PTP4A3: variants seen among roughly 807,000 people sequenced by gnomAD.
PTP4A3 encodes the protein protein tyrosine phosphatase 4A3.
In PTP4A3, 9 loss-of-function variants were observed where a neutral mutation model predicts 15.2. The observed-to-expected ratio is 0.59, with a 90% CI of 0.36 to 1.03. The LOEUF is 1.03. Among genes scored for constraint, PTP4A3 ranks in the 50% least tolerant of loss-of-function variants. The pLI is 0.02. For missense variants in PTP4A3, 234 were observed against 252.1 expected, an observed-to-expected ratio of 0.93 and a Z score of 0.49; for synonymous variants, 95 against 102.0, an observed-to-expected ratio of 0.93 and a Z score of 0.41.
In PTP4A3 at chr8:141,407,421, TCAGA is replaced by T. The variant is rs1832758082; in HGVS notation, c.-853-13962_-853-13959del. Among the ~76,000 whole-genome samples, 4 of 152,118 alleles carry T rather than the reference TCAGA, an allele frequency of 2.6e-5. No homozygotes were observed. The South Asian group carries it at 8.3e-4, about 32-fold the overall frequency. On this transcript the variant is annotated intron_variant, in intron 1 of 5. Coordinates refer to ENST00000521578, the MANE Select transcript of PTP4A3 (RefSeq NM_032611.3). ...CTGGCTCAGTCCCTGAGGGTAAAAT[TCAGA>T]CAGAGCTGGAAATGACCCAAATGTC...
At chr8:141,411,739 C>T (rs1398301116) in intron 1 of PTP4A3, among the ~76,000 whole-genome samples, 1 of 152,236 alleles carries the variant, frequency 6.6e-6, no homozygotes, top group Admixed American at 6.5e-5. Context: ...ATCTCGATCC[C>T]CCTTCCTGTC....
At chr8:141,412,352 G>A (rs1278388832) in intron 1 of PTP4A3, among the ~76,000 whole-genome samples, 1 of 152,220 alleles carries the variant, frequency 6.6e-6, no homozygotes, top group African/African-American at 2.4e-5. Context: ...GTGAGCATGG[G>A]TGGCTGGGTG....
In PTP4A3 at chr8:141,430,936, C is replaced by G; in HGVS notation, c.414C>G (p.Arg138=). 6.2e-7 allele frequency: 1 copy of G among 1,613,194 alleles called. No individual in the cohort carries two copies. Among genetic ancestry groups the G allele is most frequent in the Non-Finnish European group, 8.5e-7 (1 of 1,179,954 alleles). ...GTTCCCCTCTTCCCAGGAAGCGCCGCGGAGCCATCAACAGCAAGCAGCTCA... is the reference window on the plus strand; with the variant it reads ...GTTCCCCTCTTCCCAGGAAGCGCCGGGGAGCCATCAACAGCAAGCAGCTCA... ...DAIQFIRQKR[R]GAINSKQLTY... Residue 138 remains arginine (R), a synonymous_variant, in exon 6 of 6, where the codon CGC becomes CGG. Coordinates refer to ENST00000521578, the MANE Select transcript of PTP4A3 (RefSeq NM_032611.3).
chr8:141,415,842 C>T (rs569069646), intron 1 of PTP4A3, among the ~76,000 whole-genome samples: 43 of 144,124 alleles, frequency 3.0e-4, no homozygotes, highest in African/African-American at 9.7e-4. Context: ...TTGGAGCTGC[C>T]GAGTGCAGGG....
At chr8:141,399,384 C>T (rs981279466) in intron 1 of PTP4A3, among the ~76,000 whole-genome samples, 3 of 152,058 alleles carry the variant, frequency 2.0e-5, no homozygotes, top group Non-Finnish European at 4.4e-5. Context: ...GCCAGCTGCC[C>T]AGAGGCCCAT....
In PTP4A3 at chr8:141,432,304, G is replaced by A. The variant is rs1047310536; in HGVS notation, c.*1260G>A. The A allele has an allele frequency of 6.6e-6, 1 of 152,246 alleles. No individual in the cohort carries two copies. Among genetic ancestry groups the A allele is most frequent in the Non-Finnish European group, 1.5e-5 (1 of 68,088 alleles). The allele number at this position is 152,246 out of a possible 1,614,324, so 9.4% of individuals were successfully genotyped here. On this transcript the variant is annotated 3_prime_UTR_variant, in exon 6 of 6. Transcript: ENST00000521578. ...CAAAAGCCCCTTCTCAGGCAGCCCT[G>A]CCCCCAAGACCGACAGATGGCTAAG...
At chr8:141,415,782 A>AGGGGGGGTGGGGT (rs1833027134) in intron 1 of PTP4A3, among the ~76,000 whole-genome samples, 1 of 54,052 alleles carries the variant, frequency 1.9e-5, no homozygotes, top group African/African-American at 7.7e-5. Context: ...TGGGGTGGGG[A>AGGGGGGGTGGGGT]GAGGGGATGG....
chr8:141,425,661 G>T lies in PTP4A3; in HGVS notation c.198+521G>T, dbSNP rs1039518961. On this transcript the variant is annotated intron_variant, in intron 3 of 5. Coordinates refer to ENST00000521578, the MANE Select transcript of PTP4A3 (RefSeq NM_032611.3). This position sits in a 1 kb window ranked among gnomAD's most constrained non-coding sequence, Gnocchi z 4.2. ...CACAGCAGCTGCAGGCCCAGAGCCA[G>T]CCCCAGGGGGGTCCACCCCCGGCCC... Among the ~76,000 whole-genome samples, 3 of 152,074 alleles carry T rather than the reference G, an allele frequency of 2.0e-5. No homozygotes were observed. The highest frequency in any genetic ancestry group is 4.4e-5 in the Non-Finnish European group (3 of 67,954).
intron 5 of PTP4A3, among the ~76,000 whole-genome samples, chr8:141,428,683 G>T (rs548304314): frequency 6.6e-5 from 10 of 152,282 alleles, no homozygotes; most frequent in African/African-American, 2.4e-4. Flanking sequence ...TGGCCTGCAG[G>T]TGCTCAGGTC....
At chr8:141,415,619 G>A in intron 1 of PTP4A3, among the ~76,000 whole-genome samples, 1 of 104,900 alleles carries the variant, frequency 9.5e-6, no homozygotes, top group Non-Finnish European at 2.0e-5. Flanking sequence ...GACGTGCGCG[G>A]AGGGCGGGGG....
chr8:141,423,662 G>T (rs1177207541), intron 2 of PTP4A3, among the ~76,000 whole-genome samples: 1 of 152,112 alleles, frequency 6.6e-6, no homozygotes, highest in Non-Finnish European at 1.5e-5. Context: ...GGCTTAGTGT[G>T]TGACCAGGGC....
Position 141,430,927 on chromosome 8 carries a change from G to A in PTP4A3, c.405G>A (p.Gln135=). The change falls in exon 6 of 6, where the codon CAG becomes CAA. Residue 135 remains glutamine, a splice_region_variant and synonymous_variant. Coordinates refer to ENST00000521578, the MANE Select transcript of PTP4A3 (RefSeq NM_032611.3). ...TCTGTTCCTGTTCCCCTCTTCCCAG[G>A]AAGCGCCGCGGAGCCATCAACAGCA... is the stretch of plus-strand genomic sequence containing the variant. ...KYEDAIQFIR[Q]KRRGAINSKQ... 6.2e-7 allele frequency: 1 copy of A among 1,613,076 alleles called. No homozygotes were observed. Among genetic ancestry groups the A allele is most frequent in the Non-Finnish European group, 8.5e-7 (1 of 1,179,898 alleles).
chr8:141,418,659 A>T (rs1360379310), intron 1 of PTP4A3, among the ~76,000 whole-genome samples: 1 of 152,188 alleles, frequency 6.6e-6, no homozygotes, highest in Non-Finnish European at 1.5e-5. Context: ...GGAGGGAAAG[A>T]GGGGCCACGG....
At chr8:141,428,905 C>T (rs576136778) in intron 5 of PTP4A3, among the ~76,000 whole-genome samples, 1 of 152,328 alleles carries the variant, frequency 6.6e-6, no homozygotes, top group Non-Finnish European at 1.5e-5. Flanking sequence ...CACACGTGTG[C>T]ACTCATACAT....
rs923482339 is a variant in PTP4A3, at chr8:141,413,999, C to T, written c.-853-7389C>T. 2.0e-5 allele frequency among the ~76,000 whole-genome samples: 3 copies of T among 152,246 alleles called. No individual in the cohort carries two copies. In the East Asian group the frequency reaches 5.8e-4, roughly 29 times the overall value. ...TGGGCGTCGTGGGGCTGGACTGCTGCGGGGCAATGGGGTCCCCATCTTCCC... is the reference window on the plus strand; with the variant it reads ...TGGGCGTCGTGGGGCTGGACTGCTGTGGGGCAATGGGGTCCCCATCTTCCC... On this transcript the variant is annotated intron_variant, in intron 1 of 5. Transcript: ENST00000521578.
chr8:141,430,974 A>G lies in PTP4A3; in HGVS notation c.452A>G (p.Lys151Arg). The change falls in exon 6 of 6, where the codon AAA (lysine) becomes AGA (arginine). Residue 151 changes from lysine to arginine, a missense_variant. By Grantham distance (26) the Lys-to-Arg change is conservative. Transcript: ENST00000521578. ...AGCAAGCAGCTCACCTACCTGGAGA[A>G]ATACCGGCCCAAACAGAGGCTGCGG... is the stretch of plus-strand genomic sequence containing the variant. ...INSKQLTYLE[K>R]YRPKQRLRFK... 6.2e-7 allele frequency: 1 copy of G among 1,613,382 alleles called. No homozygotes were observed. Among genetic ancestry groups the G allele is most frequent in the Non-Finnish European group, 8.5e-7 (1 of 1,179,984 alleles).
At chr8:141,422,783 G>A (rs1833396916) in intron 2 of PTP4A3, among the ~76,000 whole-genome samples, 1 of 152,216 alleles carries the variant, frequency 6.6e-6, no homozygotes, top group East Asian at 1.9e-4. Context: ...TCAGGGCCCA[G>A]ATCTCTGTGT....
Position 141,422,145 on chromosome 8 carries a change from C to T in PTP4A3, c.-96C>T, listed in dbSNP as rs1305568514. On this transcript the variant is annotated 5_prime_UTR_variant, in exon 2 of 6. Coordinates refer to ENST00000521578, the MANE Select transcript of PTP4A3 (RefSeq NM_032611.3). Reference sequence around the variant, plus strand: ...CTTGGACAAGCACAGGGATCTCGTTCTCCTCATTTTTTGGGGGTGTGTGGG... The same window carrying T: ...CTTGGACAAGCACAGGGATCTCGTTTTCCTCATTTTTTGGGGGTGTGTGGG... 2 of 1,154,686 alleles carry T rather than the reference C, an allele frequency of 1.7e-6. No individual in the cohort carries two copies. The highest frequency in any genetic ancestry group is 2.6e-6 in the Non-Finnish European group (2 of 778,136). The allele number at this position is 1,154,686 out of a possible 1,614,324, so 71.5% of individuals were successfully genotyped here. A position where few individuals can be genotyped will look rare whatever the true frequency, so the allele number is the denominator to read the frequency against.
In PTP4A3 at chr8:141,427,732, C is replaced by T. The variant is rs369128889; in HGVS notation, c.330-18C>T. 5 of 1,548,896 alleles carry T rather than the reference C, an allele frequency of 3.2e-6. No individual in the cohort carries two copies. In the South Asian group the frequency reaches 5.9e-5, roughly 18 times the overall value. Reference sequence around the variant, plus strand: ...GTGCGCAGGCTCCGATGACCCCCGCCCTGCTGTTTGCCCCCAGGGCTCCAG... The same window carrying T: ...GTGCGCAGGCTCCGATGACCCCCGCTCTGCTGTTTGCCCCCAGGGCTCCAG... On this transcript the variant is annotated intron_variant, in intron 4 of 5. Coordinates refer to ENST00000521578, the MANE Select transcript of PTP4A3 (RefSeq NM_032611.3).
Sources: gnomAD v4.1 joint callset for allele counts (sites outside exome capture counted in the v4.1 genomes callset) on GRCh38, gnomAD v4.1.1 for gene constraint, Gnocchi (gnomAD v3.1) non-coding constraint, MANE v1.5 for transcripts, NCBI Gene and HGNC (gene_info 2026-07-23, HGNC 2026-07-21) for gene names.